SLC36A3: variants seen among roughly 807,000 people sequenced by gnomAD.
The protein encoded by SLC36A3 is solute carrier family 36 member 3.
SLC36A3 carries 35 observed loss-of-function variants against 44.3 expected under a neutral mutation model. That is an observed-to-expected ratio of 0.79 (90% CI 0.60 to 1.05). SLC36A3 has a LOEUF of 1.05. SLC36A3 is among the 50% of genes least tolerant of loss of function. The pLI, the probability that SLC36A3 is intolerant of heterozygous loss-of-function variation, is 0.00. For synonymous variants in SLC36A3, 211 were observed against 227.6 expected (o/e 0.93, Z 0.66); for missense variants, 540 against 578.7 (o/e 0.93, Z 0.69).
intron 1 of SLC36A3, among the ~76,000 whole-genome samples, chr5:151,299,264 C>CTCTCTCTATATATA (rs1372309288): frequency 1.0e-3 from 60 of 59,640 alleles, no homozygotes; most frequent in East Asian, 4.8e-3. Flanking sequence ...CTCTCTCTCT[C>CTCTCTCTATATATA]TATATATATA....
intron 9 of SLC36A3, 41 bp downstream of exon 9, chr5:151,280,973 G>A (rs775822700): frequency 1.9e-5 from 30 of 1,612,230 alleles, no homozygotes; most frequent in Non-Finnish European, 4.2e-6. Flanking sequence ...GTGGCTCCCT[G>A]TCATAGCTTT....
chr5:151,285,799 G>C (rs1022174326), intron 6 of SLC36A3, among the ~76,000 whole-genome samples: 8 of 152,302 alleles, frequency 5.3e-5, no homozygotes, highest in Admixed American at 2.0e-4. Context: ...GACTTGGCTT[G>C]AGGCTGCTAG....
Position 151,277,389 on chromosome 5 carries a change from A to C in SLC36A3, c.*4T>G. On this transcript the variant is annotated 3_prime_UTR_variant, in exon 10 of 10. Coordinates refer to ENST00000335230, the MANE Select transcript of SLC36A3 (RefSeq NM_181774.4). Reference sequence around the variant, plus strand: ...GGGAGAGCTATTAGAATAAAAACAGATAATTATGCATGGACACCTGTGGAG... The same window carrying C: ...GGGAGAGCTATTAGAATAAAAACAGCTAATTATGCATGGACACCTGTGGAG... 6.2e-7 allele frequency: 1 copy of C among 1,613,690 alleles called. No homozygotes were observed. Among genetic ancestry groups the C allele is most frequent in the South Asian group, 1.1e-5 (1 of 91,074 alleles).
intron 3 of SLC36A3, among the ~76,000 whole-genome samples, chr5:151,294,784 C>T (rs1302928784): frequency 6.6e-6 from 1 of 152,008 alleles, no homozygotes; most frequent in Admixed American, 6.6e-5. Context: ...CATGCACCAC[C>T]ACGCCTGGCT....
At chr5:151,278,242 T>G (rs1754175376) in intron 9 of SLC36A3, among the ~76,000 whole-genome samples, 1 of 150,826 alleles carries the variant, frequency 6.6e-6, no homozygotes, top group Non-Finnish European at 1.5e-5. Context: ...CTATTCTTAA[T>G]AGGATCTTAG....
intron 1 of SLC36A3, among the ~76,000 whole-genome samples, chr5:151,299,256 CTCTCTCTCTATATA>C (rs749294080): frequency 0.047 from 3,567 of 76,262 alleles, 66 homozygotes; most frequent in South Asian, 0.083. Flanking sequence ...CTCTCTCTCT[CTCTCTCTCTATATA>C]TATATATATA....
chr5:151,284,712 C>T lies in SLC36A3; in HGVS notation c.709-1G>A. ...GTAGGTTGCTGGGATATGGAATCCC[C>T]TAAAAGAAAGTGGGAGAAGCACATT... On this transcript the variant is annotated splice_acceptor_variant, in intron 6 of 9. Coordinates refer to ENST00000335230, the MANE Select transcript of SLC36A3 (RefSeq NM_181774.4). LOFTEE classifies it high-confidence loss of function. 1 of 1,609,560 alleles carries T rather than the reference C, an allele frequency of 6.2e-7. No individual in the cohort carries two copies. The highest frequency in any genetic ancestry group is 8.5e-7 in the Non-Finnish European group (1 of 1,177,228).
intron 5 of SLC36A3, 89 bp from the exon 6 acceptor site, chr5:151,287,553 T>G (rs1242804481): frequency 3.9e-6 from 5 of 1,270,208 alleles, no homozygotes; most frequent in African/African-American, 1.5e-5. Context: ...TTAATGTAAC[T>G]TTTTAGTATA....
intron 6 of SLC36A3, among the ~76,000 whole-genome samples, chr5:151,285,151 G>T (rs1754486786): frequency 6.6e-6 from 1 of 152,134 alleles, no homozygotes; most frequent in Non-Finnish European, 1.5e-5. Flanking sequence ...TATTGTTTCT[G>T]TGCCTGGCTT....
At chr5:151,284,801 A>G in intron 6 of SLC36A3, 90 bp from the exon 7 acceptor site, 1 of 824,716 alleles carries the variant, frequency 1.2e-6, no homozygotes, top group South Asian at 2.1e-5. Flanking sequence ...GTCACACCTG[A>G]TCTCAACAGA....
rs1338549214 is a variant in SLC36A3, at chr5:151,298,778, G to A, written c.129-95C>T. 4 of 1,288,780 alleles carry A rather than the reference G, an allele frequency of 3.1e-6. No individual in the cohort carries two copies. The East Asian group carries it at 9.6e-5, about 31-fold the overall frequency. The allele number at this position is 1,288,780 out of a possible 1,614,324, so 79.8% of individuals were successfully genotyped here. A position where few individuals can be genotyped will look rare whatever the true frequency, so the allele number is the denominator to read the frequency against. On this transcript the variant is annotated intron_variant, in intron 1 of 9. Transcript: ENST00000335230. ...TCCTTCTGGCATCTCCAGAGCGCCT[G>A]ATAGGAAGAGGGGCAAAACCTGATG...
chr5:151,293,253 G>T, intron 4 of SLC36A3, 111 bp downstream of exon 4: 1 of 906,548 alleles, frequency 1.1e-6, no homozygotes, highest in Non-Finnish European at 1.7e-6. Context: ...TCTCTCTATT[G>T]TTTGATAGTT....
At chr5:151,297,751 T>G (rs1201513248) in intron 2 of SLC36A3, 1 of 151,996 alleles carries the variant, frequency 6.6e-6, no homozygotes, top group Non-Finnish European at 1.5e-5. Context: ...TCACCTGAGG[T>G]CAGGAGTTTG....
intron 1 of SLC36A3, among the ~76,000 whole-genome samples, chr5:151,300,300 AC>A (rs1755126948): frequency 6.6e-6 from 1 of 151,516 alleles, no homozygotes; most frequent in Non-Finnish European, 1.5e-5. Context: ...TTCAATGCTG[AC>A]CTGAGAGAGG....
chr5:151,282,915 G>A (rs1339571019), intron 8 of SLC36A3, among the ~76,000 whole-genome samples: 4 of 145,148 alleles, frequency 2.8e-5, no homozygotes, highest in South Asian at 4.3e-4. Flanking sequence ...ACTGAGTCTC[G>A]CTTTTGTCAC....
rs560051288 is a variant in SLC36A3 at position 151,303,489 on chromosome 5, C to G, written c.-135G>C. 99 of 917,672 alleles carry G rather than the reference C, an allele frequency of 1.1e-4. 1 individual carries two copies. The African/African-American group carries it at 1.5e-3, about 14-fold the overall frequency. 56.8% of individuals were successfully genotyped at this position (917,672 alleles called of 1,614,324 possible). Reference sequence around the variant, plus strand: ...TAACCCCAAGGATGCGTGCTGCTGGCTGAAGCCTGAAGTGCATGAATCAGG... The same window carrying G: ...TAACCCCAAGGATGCGTGCTGCTGGGTGAAGCCTGAAGTGCATGAATCAGG... On this transcript the variant is annotated 5_prime_UTR_variant, in exon 1 of 10. Coordinates refer to ENST00000335230, the MANE Select transcript of SLC36A3 (RefSeq NM_181774.4).
intron 3 of SLC36A3, among the ~76,000 whole-genome samples, chr5:151,295,586 G>A (rs1580822382): frequency 6.6e-6 from 1 of 152,188 alleles, no homozygotes; most frequent in African/African-American, 2.4e-5. Context: ...CATGCCTTGG[G>A]AGTAGCTGAG....
At position 151,284,224 on chromosome 5, in the gene SLC36A3, A is replaced by C. The variant is rs1379700103; in HGVS notation, c.808-14T>G. 1 of 1,590,050 alleles carries C rather than the reference A, an allele frequency of 6.3e-7. No individual in the cohort carries two copies. The highest frequency in any genetic ancestry group is 8.5e-7 in the Non-Finnish European group (1 of 1,173,066). On this transcript the variant is annotated splice_polypyrimidine_tract_variant and intron_variant, in intron 7 of 9. Coordinates refer to ENST00000335230, the MANE Select transcript of SLC36A3 (RefSeq NM_181774.4). ...GAGAGGCAGAACCTGGAGGGAAAAA[A>C]AAAAGTTGGGAAAGAAAAGGTAGAA...
Position 151,303,536 on chromosome 5 carries a change from G to T in SLC36A3, c.-182C>A. 1 of 565,314 alleles carries T rather than the reference G, an allele frequency of 1.8e-6. No individual in the cohort carries two copies. 35.0% of individuals were successfully genotyped at this position (565,314 alleles called of 1,614,324 possible). A position where few individuals can be genotyped will look rare whatever the true frequency, so the allele number is the denominator to read the frequency against. Reference sequence around the variant, plus strand: ...CAGGGAAGCGGTGGTGGCAGGAGAGGCTGATGTTGATGATGCCTCACCTGG... The same window carrying T: ...CAGGGAAGCGGTGGTGGCAGGAGAGTCTGATGTTGATGATGCCTCACCTGG... On this transcript the variant is annotated 5_prime_UTR_variant, in exon 1 of 10. Coordinates refer to ENST00000335230, the MANE Select transcript of SLC36A3 (RefSeq NM_181774.4).
Sources: gnomAD v4.1 joint callset for allele counts (sites outside exome capture counted in the v4.1 genomes callset) on GRCh38, gnomAD v4.1.1 for gene constraint, MANE v1.5 for transcripts, NCBI Gene and HGNC (gene_info 2026-07-23, HGNC 2026-07-21) for gene names.